Variants in STK32C observed in about 807,000 individuals in gnomAD.
STK32C encodes serine/threonine kinase 32C, also known as serine/threonine-protein kinase 32C.
In STK32C, 31 loss-of-function variants were observed where a neutral mutation model predicts 56.5. The ratio of observed to expected loss-of-function variants is 0.55; its 90% CI spans 0.41 to 0.74. The LOEUF (loss-of-function observed/expected upper bound fraction) is 0.74, where lower values mean the gene tolerates loss of function less well. STK32C is among the 30% of genes least tolerant of loss of function. The pLI is 0.00. For synonymous variants in STK32C, 309 were observed against 289.4 expected (o/e 1.07, Z -0.69); for missense variants, 544 against 676.9 (o/e 0.80, Z 2.18).
At chr10:132,243,486 G>T (rs1251732236) in intron 2 of STK32C, among the ~76,000 whole-genome samples, 1 of 152,148 alleles carries the variant, frequency 6.6e-6, no homozygotes, top group East Asian at 1.9e-4. Context: ...GGGAGAAACA[G>T]ATTTTCTCCA....
At chr10:132,233,667 G>T (rs2063176280) in intron 2 of STK32C, among the ~76,000 whole-genome samples, 1 of 152,252 alleles carries the variant, frequency 6.6e-6, no homozygotes, top group Non-Finnish European at 1.5e-5. Context: ...GCAGAGGGGG[G>T]TCTTTGTCCC....
chr10:132,214,411 C>T (rs2062405297), intron 10 of STK32C, among the ~76,000 whole-genome samples: 1 of 152,066 alleles, frequency 6.6e-6, no homozygotes, highest in Admixed American at 6.5e-5. Context: ...ATTCTATATC[C>T]AGTGAAATTA....
At position 132,253,545 on chromosome 10, in the gene STK32C, CGAGGGAGCTGGAGGGA is replaced by C. The variant is rs1243350653; in HGVS notation, c.263-7606_263-7591del. On this transcript the variant is annotated intron_variant, in intron 1 of 11. Transcript: ENST00000298630. ...GGAGCCGGAGGGAGCTGGAGGGAGTCGAGGGAGCTGGAGGGAGTCGAGGGAGCTGGAGGGAGCTGGA... is the reference window on the plus strand; with the variant it reads ...GGAGCCGGAGGGAGCTGGAGGGAGTCGTCGAGGGAGCTGGAGGGAGCTGGA... 1.7e-3 allele frequency among the ~76,000 whole-genome samples: 200 copies of C among 118,134 alleles called. 5 individuals are homozygous for C. The highest frequency in any genetic ancestry group is 8.4e-3 in the African/African-American group (194 of 23,156). The allele number at this position is 118,134 out of a possible 152,430, so 77.5% of individuals were successfully genotyped here. A position where few individuals can be genotyped will look rare whatever the true frequency, so the allele number is the denominator to read the frequency against.
At chr10:132,227,509 G>A (rs1015409564) in intron 3 of STK32C, among the ~76,000 whole-genome samples, 1 of 150,742 alleles carries the variant, frequency 6.6e-6, no homozygotes, top group Non-Finnish European at 1.5e-5. Context: ...TGTGGTCGTG[G>A]TGGTGGTGGT....
At chr10:132,213,756 G>C (rs760967720) in intron 10 of STK32C, among the ~76,000 whole-genome samples, 11 of 152,206 alleles carry the variant, frequency 7.2e-5, no homozygotes, top group Non-Finnish European at 1.3e-4. Context: ...AAGGGCTCCA[G>C]GGGAAAAGCA....
Position 132,255,975 on chromosome 10 carries a change from C to T in STK32C, c.263-10020G>A, listed in dbSNP as rs151102300. Reference sequence around the variant, plus strand: ...CCCTGGTGTCCAGCTTGGACTCGCCCGGGTGGCTTGGCGGCTTCCCGGCAT... The same window carrying T: ...CCCTGGTGTCCAGCTTGGACTCGCCTGGGTGGCTTGGCGGCTTCCCGGCAT... On this transcript the variant is annotated intron_variant, in intron 1 of 11. Coordinates refer to ENST00000298630, the MANE Select transcript of STK32C (RefSeq NM_173575.4). The surrounding 1 kb of genome is among the most constrained non-coding windows in gnomAD (Gnocchi z 4.6). 1.3e-5 allele frequency among the ~76,000 whole-genome samples: 2 copies of T among 152,338 alleles called. No individual in the cohort carries two copies. The highest frequency in any genetic ancestry group is 2.9e-5 in the Non-Finnish European group (2 of 68,022).
intron 1 of STK32C, among the ~76,000 whole-genome samples, chr10:132,289,072 TA>T (rs1246112185): frequency 5.3e-5 from 8 of 152,108 alleles, no homozygotes; most frequent in Admixed American, 5.2e-4. Flanking sequence ...AAAGCTACAA[TA>T]ATCAAGACAG....
intron 2 of STK32C, among the ~76,000 whole-genome samples, chr10:132,243,430 G>A (rs1299855626): frequency 1.3e-5 from 2 of 152,108 alleles, no homozygotes; most frequent in Non-Finnish European, 2.9e-5. Context: ...TGCCGGGTAA[G>A]GGGGCAGGCA....
At chr10:132,238,833 C>A (rs1050256716) in intron 2 of STK32C, among the ~76,000 whole-genome samples, 2 of 152,158 alleles carry the variant, frequency 1.3e-5, no homozygotes, top group Non-Finnish European at 2.9e-5. Context: ...GGCATGCACA[C>A]ACACGCAACA....
At chr10:132,272,090 C>T (rs1392023882) in intron 1 of STK32C, among the ~76,000 whole-genome samples, 1 of 152,220 alleles carries the variant, frequency 6.6e-6, no homozygotes, top group Non-Finnish European at 1.5e-5. Flanking sequence ...TGCTGTGCCC[C>T]CGAAGTCCTA....
intron 1 of STK32C, among the ~76,000 whole-genome samples, chr10:132,314,465 G>A (rs2138437321): frequency 6.6e-6 from 1 of 152,304 alleles, no homozygotes; most frequent in East Asian, 1.9e-4. Flanking sequence ...AACAACCCAT[G>A]GGACACAAGG....
At position 132,266,451 on chromosome 10, in the gene STK32C, T is replaced by G. The variant is rs116121406; in HGVS notation, c.263-20496A>C. Among the ~76,000 whole-genome samples, 927 of 152,288 alleles carry G rather than the reference T, an allele frequency of 6.1e-3. 22 individuals are homozygous for G. The highest frequency in any genetic ancestry group is 0.047 in the South Asian group (227 of 4,824). On this transcript the variant is annotated intron_variant, in intron 1 of 11. Transcript: ENST00000298630. ...ACATCAATCTGCATACTCACATCTG[T>G]GCCCTTGACTGTAATTATACCTCAA...
intron 2 of STK32C, among the ~76,000 whole-genome samples, chr10:132,235,324 C>T (rs1449577264): frequency 2.0e-5 from 3 of 151,934 alleles, no homozygotes; most frequent in Admixed American, 2.0e-4. Context: ...GGTAAAACCC[C>T]GTCTCTACTA....
intron 1 of STK32C, among the ~76,000 whole-genome samples, chr10:132,292,555 T>G (rs752383037): frequency 1.1e-4 from 16 of 152,224 alleles, no homozygotes; most frequent in Non-Finnish European, 1.8e-4. Context: ...ACTCACATGC[T>G]CATGCACACA....
At chr10:132,225,197 TG>T in intron 7 of STK32C, 35 bp downstream of exon 7, 1 of 1,541,928 alleles carries the variant, frequency 6.5e-7, no homozygotes, top group South Asian at 1.2e-5. Context: ...AGCAGGGGCC[TG>T]GCAGCCAAGC....
At chr10:132,310,355 C>T (rs1029515534), upstream of STK32C, among the ~76,000 whole-genome samples, 4 of 152,212 alleles carry the variant, frequency 2.6e-5, no homozygotes, top group African/African-American at 9.7e-5. This position sits in a 1 kb window ranked among gnomAD's most constrained non-coding sequence, Gnocchi z 4.6. Context: ...GCTCAGGGCA[C>T]AACTCTTGTA....
At chr10:132,239,313 T>C (rs2063415800) in intron 2 of STK32C, among the ~76,000 whole-genome samples, 1 of 152,098 alleles carries the variant, frequency 6.6e-6, no homozygotes, top group Non-Finnish European at 1.5e-5. Flanking sequence ...GTAAACATTC[T>C]CTGGACCCGG....
At chr10:132,228,721 C>T (rs1478838375) in intron 2 of STK32C, among the ~76,000 whole-genome samples, 2 of 152,258 alleles carry the variant, frequency 1.3e-5, no homozygotes, top group Non-Finnish European at 2.9e-5. Flanking sequence ...CCACTGAGCA[C>T]AGAGCCCTGC....
chr10:132,230,138 G>A (rs1362247624), intron 2 of STK32C, among the ~76,000 whole-genome samples: 6 of 152,176 alleles, frequency 3.9e-5, no homozygotes, highest in African/African-American at 1.2e-4. Context: ...GAACGAGGCC[G>A]CCTTGGGAGG....
Sources: gnomAD v4.1 joint callset for allele counts (sites outside exome capture counted in the v4.1 genomes callset) on GRCh38, gnomAD v4.1.1 for gene constraint, Gnocchi (gnomAD v3.1) non-coding constraint, MANE v1.5 for transcripts, NCBI Gene and HGNC (gene_info 2026-07-23, HGNC 2026-07-21) for gene names.